Variants in LRAT observed in about 807,000 individuals in gnomAD.
The protein encoded by LRAT is lecithin retinol acyltransferase.
Under a neutral mutation model 14.2 loss-of-function variants are expected in LRAT, and 11 were observed. The ratio of observed to expected loss-of-function variants is 0.78; its 90% confidence interval spans 0.49 to 1.29. LRAT has a LOEUF of 1.29. LRAT is among the 50% of genes most tolerant of loss of function. The pLI, the probability that LRAT is intolerant of heterozygous loss-of-function variation, is 0.00. For synonymous variants in LRAT, 144 were observed against 124.8 expected (o/e 1.15, Z -1.03); for missense variants, 274 against 292.4 (o/e 0.94, Z 0.46).
At chr4:154,741,194 G>A (rs571615538), upstream of LRAT, among the ~76,000 whole-genome samples, 2 of 138,152 alleles carry the variant, frequency 1.4e-5, no homozygotes, top group African/African-American at 5.2e-5. Flanking sequence ...CCTTGACGAA[G>A]GGGGGTCGGG....
At chr4:154,748,000 T>C (rs1216316741) in intron 2 of LRAT, among the ~76,000 whole-genome samples, 1 of 152,156 alleles carries the variant, frequency 6.6e-6, no homozygotes, top group Non-Finnish European at 1.5e-5. Context: ...TGTAAGCCAC[T>C]GTAGAAAACC....
In LRAT at chr4:154,752,562, GACTA is replaced by G. The variant is rs1213683286; in HGVS notation, c.*3427_*3430del. ...GAGAACAAAGGAACTCATTTTAAAGGACTAGCTAAGATGCTCAATCTCTAAAAAA... is the reference window on the plus strand; with the variant it reads ...GAGAACAAAGGAACTCATTTTAAAGGGCTAAGATGCTCAATCTCTAAAAAA... On this transcript the variant is annotated 3_prime_UTR_variant, in exon 3 of 3. Coordinates refer to ENST00000336356, the MANE Select transcript of LRAT (RefSeq NM_004744.5). 1.3e-5 allele frequency: 2 copies of G among 152,112 alleles called. No individual in the cohort carries two copies. Among genetic ancestry groups the G allele is most frequent in the Non-Finnish European group, 2.9e-5 (2 of 68,014 alleles). The allele number at this position is 152,112 out of a possible 1,614,324, so 9.4% of individuals were successfully genotyped here.
In LRAT at chr4:154,744,207, C is replaced by T. The variant is rs1578859760; in HGVS notation, c.-17C>T. On this transcript the variant is annotated 5_prime_UTR_variant, in exon 1 of 3. Coordinates refer to ENST00000336356, the MANE Select transcript of LRAT (RefSeq NM_004744.5). Reference sequence around the variant, plus strand: ...TCAGCGGCCGTACTTTGCGCCGTACCTCACCTGGCCTGCAGGTGAGCAGCA... The same window carrying T: ...TCAGCGGCCGTACTTTGCGCCGTACTTCACCTGGCCTGCAGGTGAGCAGCA... 1 of 1,073,060 alleles carries T rather than the reference C, an allele frequency of 9.3e-7. No homozygotes were observed. The highest frequency in any genetic ancestry group is 2.4e-5 in the East Asian group (1 of 41,306). 66.5% of individuals were successfully genotyped at this position (1,073,060 alleles called of 1,614,324 possible).
chr4:154,743,358 A>G (rs1732805562), upstream of LRAT, among the ~76,000 whole-genome samples: 2 of 151,840 alleles, frequency 1.3e-5, no homozygotes, highest in Admixed American at 1.3e-4. Flanking sequence ...AAAATTAGCC[A>G]GGCGTGGTGC....
At position 154,749,129 on chromosome 4, in the gene LRAT, C is replaced by A. The variant is rs1413244862; in HGVS notation, c.686C>A (p.Ala229Asp). 3.7e-6 allele frequency: 6 copies of A among 1,613,528 alleles called. No individual in the cohort carries two copies. Among genetic ancestry groups the A allele is most frequent in the Non-Finnish European group, 5.1e-6 (6 of 1,179,522 alleles). ...AIFIPFFLWMAG is the reference protein window; with the variant it reads ...AIFIPFFLWMDG Reference sequence around the variant, plus strand: ...TTTATTCCATTCTTCCTATGGATGGCTGGCTAACTTCATACCCCCATGTCA... The same window carrying A: ...TTTATTCCATTCTTCCTATGGATGGATGGCTAACTTCATACCCCCATGTCA... Residue 229 changes from alanine (A) to aspartate (D), a missense_variant, in exon 3 of 3, where the codon GCT (alanine) becomes GAT (aspartate). Coordinates refer to ENST00000336356, the MANE Select transcript of LRAT (RefSeq NM_004744.5).
At position 154,744,043 on chromosome 4, in the gene LRAT, G is replaced by A. The variant is rs1055118931; in HGVS notation, c.-181G>A. On this transcript the variant is annotated 5_prime_UTR_variant, in exon 1 of 3. Coordinates refer to ENST00000336356, the MANE Select transcript of LRAT (RefSeq NM_004744.5). ...TGCCCCCGGCACGGCCCCCAGGTGC[G>A]CTCCTTCTCCGGCTGCTTGTAGCAC... is the stretch of plus-strand genomic sequence containing the variant. The A allele has an allele frequency of 6.2e-6, 3 of 483,490 alleles. No individual in the cohort carries two copies. The highest frequency in any genetic ancestry group is 1.1e-5 in the Non-Finnish European group (3 of 264,230). The allele number at this position is 483,490 out of a possible 1,614,324, so 29.9% of individuals were successfully genotyped here. A position where few individuals can be genotyped will look rare whatever the true frequency, so the allele number is the denominator to read the frequency against.
chr4:154,744,506 C>T lies in LRAT; in HGVS notation c.180C>T (p.His60=). The stretch of plus-strand genomic sequence containing the variant: ...AGGTGCCCCGGACCCACCTGACCCA[C>T]TATGGCATCTACCTAGGAGACAACC... ...VLEVPRTHLT[H]YGIYLGDNRV... The change falls in exon 2 of 3, where the codon CAC becomes CAT. Residue 60 remains histidine, a synonymous_variant. Coordinates refer to ENST00000336356, the MANE Select transcript of LRAT (RefSeq NM_004744.5). 2 of 1,614,124 alleles carry T rather than the reference C, an allele frequency of 1.2e-6. No individual in the cohort carries two copies. Among genetic ancestry groups the T allele is most frequent in the Non-Finnish European group, 1.7e-6 (2 of 1,180,016 alleles).
At position 154,744,200 on chromosome 4, in the gene LRAT, G is replaced by A. The variant is rs1231633798; in HGVS notation, c.-24G>A. On this transcript the variant is annotated 5_prime_UTR_variant, in exon 1 of 3. Coordinates refer to ENST00000336356, the MANE Select transcript of LRAT (RefSeq NM_004744.5). ...TCTCTCCTCAGCGGCCGTACTTTGC[G>A]CCGTACCTCACCTGGCCTGCAGGTG... The A allele has an allele frequency of 3.0e-6, 3 of 995,120 alleles. No individual in the cohort carries two copies. The highest frequency in any genetic ancestry group is 4.7e-6 in the Non-Finnish European group (3 of 642,096). The allele number at this position is 995,120 out of a possible 1,614,324, so 61.6% of individuals were successfully genotyped here.
intron 2 of LRAT, 41 bp downstream of exon 2, chr4:154,744,907 A>G (rs760475456): frequency 1.3e-6 from 2 of 1,581,266 alleles, no homozygotes; most frequent in South Asian, 1.1e-5. Flanking sequence ...CTCCGCGGAG[A>G]TGCCCCCTCC....
chr4:154,744,482 G>A lies in LRAT; in HGVS notation c.156G>A (p.Glu52=). Residue 52 remains glutamate, a synonymous_variant, in exon 2 of 3, where the codon GAG becomes GAA. Transcript: ENST00000336356. Reference sequence around the variant, plus strand: ...CTTTCCACCGAGGCGACGTGCTGGAGGTGCCCCGGACCCACCTGACCCACT... The same window carrying A: ...CTTTCCACCGAGGCGACGTGCTGGAAGTGCCCCGGACCCACCTGACCCACT... ...TSSFHRGDVL[E]VPRTHLTHYG... 2 of 1,614,110 alleles carry A rather than the reference G, an allele frequency of 1.2e-6. No individual in the cohort carries two copies. The highest frequency in any genetic ancestry group is 1.7e-6 in the Non-Finnish European group (2 of 1,180,030).
chr4:154,744,355 C>T lies in LRAT; in HGVS notation c.29C>T (p.Ser10Phe), dbSNP rs1172260347. 6.8e-6 allele frequency: 11 copies of T among 1,614,038 alleles called. No individual in the cohort carries two copies. The highest frequency in any genetic ancestry group is 7.6e-6 in the Non-Finnish European group (9 of 1,180,036). MKNPMLEVV[S>F]LLLEKLLLIS... ...AAGAACCCCATGCTGGAGGTGGTGT[C>T]TTTACTACTGGAGAAGCTGCTCCTC... is the stretch of plus-strand genomic sequence containing the variant. The change falls in exon 2 of 3, where the codon TCT becomes TTT. Residue 10 changes from serine (S) to phenylalanine (F), a missense_variant. Coordinates refer to ENST00000336356, the MANE Select transcript of LRAT (RefSeq NM_004744.5).
chr4:154,752,126 T>C lies in LRAT; in HGVS notation c.*2990T>C, dbSNP rs1733009998. ...GGACTTTCTGCAGTTGACATTTGCA[T>C]AAAGCTGACTGACTGAAGGAACAGA... is the stretch of plus-strand genomic sequence containing the variant. On this transcript the variant is annotated 3_prime_UTR_variant, in exon 3 of 3. Coordinates refer to ENST00000336356, the MANE Select transcript of LRAT (RefSeq NM_004744.5). 1 of 152,162 alleles carries C rather than the reference T, an allele frequency of 6.6e-6. No homozygotes were observed. Among genetic ancestry groups the C allele is most frequent in the Non-Finnish European group, 1.5e-5 (1 of 68,036 alleles). The allele number at this position is 152,162 out of a possible 1,614,324, so 9.4% of individuals were successfully genotyped here.
rs1343570161 is a variant in LRAT, at chr4:154,752,910, T to C, written c.*3774T>C. The C allele has an allele frequency of 6.6e-6, 1 of 152,208 alleles. No individual in the cohort carries two copies. The highest frequency in any genetic ancestry group is 6.5e-5 in the Admixed American group (1 of 15,292). 9.4% of individuals were successfully genotyped at this position (152,208 alleles called of 1,614,324 possible). On this transcript the variant is annotated 3_prime_UTR_variant, in exon 3 of 3. Transcript: ENST00000336356. ...GTTTTTCTATTTTTCTACTTCATAC[T>C]GTTAATGTCAAATATCAAAAATGTT...
upstream of LRAT, among the ~76,000 whole-genome samples, chr4:154,742,589 G>T (rs1732787783): frequency 6.6e-6 from 1 of 152,184 alleles, no homozygotes; most frequent in African/African-American, 2.4e-5. Context: ...GCAGCTTTGT[G>T]GAGCCACCCG....
At position 154,752,472 on chromosome 4, in the gene LRAT, G is replaced by A. The variant is rs1180941213; in HGVS notation, c.*3336G>A. The A allele has an allele frequency of 6.6e-6, 1 of 152,184 alleles. No homozygotes were observed. The highest frequency in any genetic ancestry group is 1.5e-5 in the Non-Finnish European group (1 of 68,050). The allele number at this position is 152,184 out of a possible 1,614,324, so 9.4% of individuals were successfully genotyped here. A position where few individuals can be genotyped will look rare whatever the true frequency, so the allele number is the denominator to read the frequency against. ...CTGGTACAAGTCTTGTATAGAACAA[G>A]AAGTTTAGACTTTTGAACAGGCAAT... On this transcript the variant is annotated 3_prime_UTR_variant, in exon 3 of 3. Transcript: ENST00000336356.
intron 2 of LRAT, chr4:154,745,406 G>T (rs756104364): frequency 1.2e-5 from 2 of 161,376 alleles, no homozygotes; most frequent in Non-Finnish European, 2.7e-5. Flanking sequence ...AAATGGCAAC[G>T]TGCCTTGCAG....
chr4:154,748,833 T>A, intron 2 of LRAT, 151 bp from the exon 3 acceptor site: 1 of 735,328 alleles, frequency 1.4e-6, no homozygotes, highest in Non-Finnish European at 2.3e-6. Flanking sequence ...ACTGGACTCT[T>A]AACATTGTAA....
chr4:154,741,900 T>G (rs1732774488), upstream of LRAT, among the ~76,000 whole-genome samples: 1 of 152,222 alleles, frequency 6.6e-6, no homozygotes, highest in African/African-American at 2.4e-5. Context: ...GAGGCAGTCA[T>G]AAGCATTATA....
rs1733024200 is a variant in LRAT, at chr4:154,752,839, T to C, written c.*3703T>C. ...TTCTTTCTAAGGACAAGCAACTATG[T>C]ATAGACTTGTTGTTTGAATTTTTTT... On this transcript the variant is annotated 3_prime_UTR_variant, in exon 3 of 3. Transcript: ENST00000336356. The C allele has an allele frequency of 6.6e-6, 1 of 152,362 alleles. No homozygotes were observed. The highest frequency in any genetic ancestry group is 2.1e-4 in the South Asian group (1 of 4,832). The allele number at this position is 152,362 out of a possible 1,614,324, so 9.4% of individuals were successfully genotyped here. A position where few individuals can be genotyped will look rare whatever the true frequency, so the allele number is the denominator to read the frequency against.
Sources: allele counts gnomAD v4.1 joint callset (sites outside exome capture counted in the v4.1 genomes callset), GRCh38; gene constraint gnomAD v4.1.1; transcripts MANE v1.5; gene names NCBI Gene and HGNC (gene_info 2026-07-23, HGNC 2026-07-21).